ADAMTSL3: variants seen among roughly 807,000 people sequenced by gnomAD.
ADAMTSL3 encodes ADAMTS like 3.
Under a neutral mutation model 201.7 loss-of-function variants are expected in ADAMTSL3, and 128 were observed. The ratio of observed to expected loss-of-function variants is 0.63; its 90% CI spans 0.55 to 0.73. ADAMTSL3 has a LOEUF of 0.73. ADAMTSL3 is among the 30% of genes least tolerant of loss of function. The probability of loss-of-function intolerance (pLI) is 0.00; values close to 1 mark genes in which losing one functional copy is unlikely to be tolerated. For missense variants in ADAMTSL3, 1,990 were observed against 2,119.6 expected (o/e 0.94, Z 1.20); for synonymous variants, 738 against 748.4 (o/e 0.99, Z 0.23).
In ADAMTSL3 at chr15:83,982,254, C is replaced by CTTT. The variant is rs758713259; in HGVS notation, c.2645-10_2645-8dup. On this transcript the variant is annotated intron_variant, in intron 20 of 29. Coordinates refer to ENST00000286744, the MANE Select transcript of ADAMTSL3 (RefSeq NM_207517.3). ...TGTTTATTCGTATTTTCTTTTCTTT[C>CTTT]TTTTTTTTTTTCTTGGAGAAATCAA... 1.8e-5 allele frequency: 21 copies of CTTT among 1,165,342 alleles called. No individual in the cohort carries two copies. Among genetic ancestry groups the CTTT allele is most frequent in the South Asian group, 4.9e-5 (3 of 61,530 alleles). The allele number at this position is 1,165,342 out of a possible 1,614,324, so 72.2% of individuals were successfully genotyped here.
rs546680356 is a variant in ADAMTSL3 at position 83,800,341 on chromosome 15, C to G, written c.318-4309C>G. ...TAGTGGGATTTGTAGGAGAGTTGTA[C>G]ATACTTTTTAGGTTTATATTTTCAG... On this transcript the variant is annotated intron_variant, in intron 4 of 29. Transcript: ENST00000286744. Among the ~76,000 whole-genome samples, 19 of 152,164 alleles carry G rather than the reference C, an allele frequency of 1.2e-4. No homozygotes were observed. In the South Asian group the frequency reaches 3.9e-3, roughly 32 times the overall value.
At chr15:84,021,381 T>TG in intron 25 of ADAMTSL3, 29 bp from the exon 26 acceptor site, 1 of 1,612,586 alleles carries the variant, frequency 6.2e-7, no homozygotes, top group South Asian at 1.1e-5. Flanking sequence ...CTTTTGGGGC[T>TG]GGCATGATAT....
chr15:83,930,513 T>G (rs2066335965), intron 17 of ADAMTSL3, among the ~76,000 whole-genome samples: 1 of 152,202 alleles, frequency 6.6e-6, no homozygotes, highest in African/African-American at 2.4e-5. Flanking sequence ...TATTCATGCA[T>G]CAGCCTGTGT....
At chr15:83,841,546 A>C (rs2141985959) in intron 7 of ADAMTSL3, among the ~76,000 whole-genome samples, 1 of 152,292 alleles carries the variant, frequency 6.6e-6, no homozygotes, top group African/African-American at 2.4e-5. Context: ...AGATCAATCC[A>C]TGTTGAGAAC....
intron 2 of ADAMTSL3, among the ~76,000 whole-genome samples, chr15:83,695,398 A>G (rs915269480): frequency 6.6e-6 from 1 of 151,750 alleles, no homozygotes; most frequent in African/African-American, 2.4e-5. Flanking sequence ...TTCCTGTGAT[A>G]GATTTAAACT....
At chr15:83,978,285 T>C (rs2141795396) in intron 20 of ADAMTSL3, among the ~76,000 whole-genome samples, 1 of 152,292 alleles carries the variant, frequency 6.6e-6, no homozygotes, top group Admixed American at 6.5e-5. Flanking sequence ...AGAACTGGCC[T>C]TGACTGGGTG....
intron 2 of ADAMTSL3, among the ~76,000 whole-genome samples, chr15:83,658,438 A>G (rs1241377257): frequency 1.3e-5 from 2 of 152,232 alleles, no homozygotes; most frequent in Non-Finnish European, 2.9e-5. Context: ...TGAATCAGCT[A>G]AAATGTAAAC....
intron 19 of ADAMTSL3, among the ~76,000 whole-genome samples, chr15:83,968,463 T>TA (rs2067130374): frequency 1.3e-5 from 2 of 152,196 alleles, no homozygotes; most frequent in African/African-American, 4.8e-5. Flanking sequence ...CACAATGAGA[T>TA]ACCATCTCAC....
chr15:83,977,920 G>C (rs887182653), intron 20 of ADAMTSL3, among the ~76,000 whole-genome samples: 1 of 152,200 alleles, frequency 6.6e-6, no homozygotes, highest in Non-Finnish European at 1.5e-5. Flanking sequence ...TGTGTTCAGA[G>C]AAGCCTGAAG....
intron 8 of ADAMTSL3, among the ~76,000 whole-genome samples, chr15:83,863,801 C>T (rs1304975297): frequency 6.6e-6 from 1 of 152,060 alleles, no homozygotes; most frequent in Non-Finnish European, 1.5e-5. Context: ...ACAAAAAACC[C>T]TTCAAAAAAA....
chr15:83,745,143 C>T (rs946421567), intron 3 of ADAMTSL3, among the ~76,000 whole-genome samples: 17 of 152,194 alleles, frequency 1.1e-4, no homozygotes, highest in African/African-American at 3.1e-4. Flanking sequence ...TTCGGCTGGG[C>T]GGCTTGACAA....
intron 3 of ADAMTSL3, among the ~76,000 whole-genome samples, chr15:83,716,580 T>C (rs1325684918): frequency 1.3e-5 from 2 of 151,564 alleles, no homozygotes; most frequent in Non-Finnish European, 1.5e-5. Context: ...TTATTCTTTG[T>C]GATAATAAAG....
chr15:83,820,114 C>A, intron 6 of ADAMTSL3, 67 bp downstream of exon 6: 2 of 1,350,790 alleles, frequency 1.5e-6, no homozygotes, highest in Admixed American at 3.4e-5. Context: ...ATAAACAGAA[C>A]CCTTTTCTTC....
intron 22 of ADAMTSL3, among the ~76,000 whole-genome samples, chr15:83,990,291 G>A (rs145032413): frequency 2.0e-5 from 3 of 152,274 alleles, no homozygotes; most frequent in East Asian, 1.9e-4. Flanking sequence ...GCTCTGAACC[G>A]TGGTTACATC....
chr15:83,811,909 G>A (rs1183958110), intron 5 of ADAMTSL3, among the ~76,000 whole-genome samples: 2 of 152,132 alleles, frequency 1.3e-5, no homozygotes, highest in Admixed American at 6.5e-5. Context: ...TTGTCTCCAC[G>A]TGCCACAGTA....
intron 3 of ADAMTSL3, among the ~76,000 whole-genome samples, chr15:83,750,019 T>C (rs1238726304): frequency 6.6e-6 from 1 of 152,220 alleles, no homozygotes; most frequent in Admixed American, 6.5e-5. Flanking sequence ...TGAAGACTAG[T>C]GTAGTGTGAA....
At chr15:83,891,051 A>G (rs1283592244) in intron 11 of ADAMTSL3, 1 of 340,996 alleles carries the variant, frequency 2.9e-6, no homozygotes, top group African/African-American at 2.1e-5. Context: ...AAAGGAATAA[A>G]TTTATTGAAA....
chr15:83,741,383 G>A (rs2062452523), intron 3 of ADAMTSL3, among the ~76,000 whole-genome samples: 1 of 151,968 alleles, frequency 6.6e-6, no homozygotes, highest in Non-Finnish European at 1.5e-5. Context: ...TTAACAGATT[G>A]TGGAATTATC....
intron 17 of ADAMTSL3, among the ~76,000 whole-genome samples, chr15:83,938,519 A>G (rs2066499972): frequency 6.6e-6 from 1 of 152,204 alleles, no homozygotes; most frequent in Non-Finnish European, 1.5e-5. Flanking sequence ...CTGCATCTCA[A>G]TAAAGCTGTC....
Sources: gnomAD v4.1 joint callset for allele counts (sites outside exome capture counted in the v4.1 genomes callset) on GRCh38, gnomAD v4.1.1 for gene constraint, MANE v1.5 for transcripts, NCBI Gene and HGNC (gene_info 2026-07-23, HGNC 2026-07-21) for gene names.